Variants in KCNG2 observed in about 807,000 individuals in gnomAD.
KCNG2 encodes potassium voltage-gated channel modifier subfamily G member 2, also known as voltage-gated potassium channel regulatory subunit KCNG2.
In KCNG2, 7 loss-of-function variants were observed where a neutral mutation model predicts 12.3. The observed-to-expected ratio is 0.57, with a 90% confidence interval of 0.32 to 1.07. The LOEUF is 1.07. Ranked by LOEUF, KCNG2 falls within the 50% of genes least tolerant of loss-of-function variation. The pLI, the probability that KCNG2 is intolerant of heterozygous loss-of-function variation, is 0.04. For missense variants in KCNG2, 703 were observed against 726.0 expected (o/e 0.97, Z 0.36); for synonymous variants, 414 against 351.4 (o/e 1.18, Z -1.99).
At position 79,892,500 on chromosome 18, in the gene KCNG2, G is replaced by C. The variant is rs1038699098; in HGVS notation, c.625-6540G>C. On this transcript the variant is annotated intron_variant, in intron 3 of 3. Coordinates refer to ENST00000316249, the MANE Select transcript of KCNG2 (RefSeq NM_012283.2). ...TAAAACCCAGTCTGCCTTTTGATTG[G>C]GTTGTTCACTCCATTCACATCTAAT... Among the ~76,000 whole-genome samples the C allele has an allele frequency of 3.3e-5, 5 of 152,270 alleles. No individual in the cohort carries two copies. The East Asian group carries it at 9.6e-4, about 29-fold the overall frequency.
intron 1 of KCNG2, among the ~76,000 whole-genome samples, chr18:79,821,214 GACC>G (rs2087567505): frequency 6.6e-6 from 1 of 151,310 alleles, no homozygotes; most frequent in East Asian, 1.9e-4. Flanking sequence ...ATGAAGATTT[GACC>G]ACATGTTTTA....
At chr18:79,810,323 G>T (rs1368095800) in intron 1 of KCNG2, among the ~76,000 whole-genome samples, 1 of 152,140 alleles carries the variant, frequency 6.6e-6, no homozygotes, top group Non-Finnish European at 1.5e-5. Flanking sequence ...TCAGTGGGGA[G>T]GGGGGAAGCA....
intron 1 of KCNG2, among the ~76,000 whole-genome samples, chr18:79,819,514 A>G (rs1395381942): frequency 6.6e-6 from 1 of 152,214 alleles, no homozygotes; most frequent in East Asian, 1.9e-4. Context: ...GTGTCCCTTC[A>G]GATCGGGCTG....
chr18:79,819,050 T>C (rs2087551265), intron 1 of KCNG2, among the ~76,000 whole-genome samples: 1 of 151,864 alleles, frequency 6.6e-6, no homozygotes, highest in Admixed American at 6.6e-5. Context: ...AAGAATAGCA[T>C]CAGGAGATGA....
intron 3 of KCNG2, among the ~76,000 whole-genome samples, chr18:79,871,777 G>A (rs959862181): frequency 5.3e-5 from 8 of 152,334 alleles, no homozygotes; most frequent in East Asian, 1.9e-4. Context: ...CAGAGGGGCC[G>A]GCATCACATC....
intron 1 of KCNG2, among the ~76,000 whole-genome samples, chr18:79,821,435 A>G (rs964217504): frequency 2.6e-5 from 4 of 151,826 alleles, no homozygotes; most frequent in African/African-American, 9.7e-5. Context: ...GATTACAGGC[A>G]CCCACCACCA....
At chr18:79,888,359 G>GAGCC (rs2123121158) in intron 3 of KCNG2, among the ~76,000 whole-genome samples, 1 of 152,284 alleles carries the variant, frequency 6.6e-6, no homozygotes, top group African/African-American at 2.4e-5. Context: ...CAGGGGGGCT[G>GAGCC]GGACAGCAGC....
intron 3 of KCNG2, among the ~76,000 whole-genome samples, chr18:79,866,814 G>A (rs1473026572): frequency 1.1e-3 from 18 of 16,382 alleles, no homozygotes; most frequent in South Asian, 6.3e-3. Context: ...CTGTGTGTCT[G>A]TGTGCTGAGA....
Position 79,900,018 on chromosome 18 carries a change from C to A in KCNG2, c.*202C>A, listed in dbSNP as rs1414617214. On this transcript the variant is annotated 3_prime_UTR_variant, in exon 4 of 4. Coordinates refer to ENST00000316249, the MANE Select transcript of KCNG2 (RefSeq NM_012283.2). ...TGGCAGCGCTGGGCAAAGTCACTGG[C>A]CTTTGTCCTCCTGCCCCACCCCTTT... 15 of 383,708 alleles carry A rather than the reference C, an allele frequency of 3.9e-5. No individual in the cohort carries two copies. The highest frequency in any genetic ancestry group is 5.5e-5 in the Non-Finnish European group (12 of 219,890). 23.8% of individuals were successfully genotyped at this position (383,708 alleles called of 1,614,324 possible). A position where few individuals can be genotyped will look rare whatever the true frequency, so the allele number is the denominator to read the frequency against.
rs538664631 is a variant in KCNG2 at position 79,899,883 on chromosome 18, G to A, written c.*67G>A. On this transcript the variant is annotated 3_prime_UTR_variant, in exon 4 of 4. Transcript: ENST00000316249. Reference sequence around the variant, plus strand: ...TGCAGCGTCGGGACCCCCGAGGTGCGCCAAGGGGTGGGGGGCGTCTGGCCT... The same window carrying A: ...TGCAGCGTCGGGACCCCCGAGGTGCACCAAGGGGTGGGGGGCGTCTGGCCT... The A allele has an allele frequency of 1.8e-5, 23 of 1,265,942 alleles. No homozygotes were observed. In the African/African-American group the frequency reaches 3.0e-4, roughly 16 times the overall value. 78.4% of individuals were successfully genotyped at this position (1,265,942 alleles called of 1,614,324 possible). A position where few individuals can be genotyped will look rare whatever the true frequency, so the allele number is the denominator to read the frequency against.
In KCNG2 at chr18:79,863,791, C is replaced by A; in HGVS notation, c.124C>A (p.Arg42Ser). 7.7e-7 allele frequency: 1 copy of A among 1,299,024 alleles called. No homozygotes were observed. The highest frequency in any genetic ancestry group is 1.8e-5 in the South Asian group (1 of 55,758). The allele number at this position is 1,299,024 out of a possible 1,614,324, so 80.5% of individuals were successfully genotyped here. The change falls in exon 3 of 4, where the codon CGC (arginine) becomes AGC (serine). Residue 42 changes from arginine to serine, a missense_variant. Transcript: ENST00000316249. ...WAALARCPLARLERLRACRGH... is the reference protein window; with the variant it reads ...WAALARCPLASLERLRACRGH... ...CGCGCTGGCGCGATGCCCCCTCGCG[C>A]GCCTGGAGCGCCTGCGCGCCTGCCG... is the stretch of plus-strand genomic sequence containing the variant.
At chr18:79,897,751 A>T (rs1981029672) in intron 3 of KCNG2, among the ~76,000 whole-genome samples, 1 of 150,808 alleles carries the variant, frequency 6.6e-6, no homozygotes, top group African/African-American at 2.4e-5. Flanking sequence ...GTCTTTGGTG[A>T]CTGGCTGGCT....
chr18:79,874,794 G>A (rs1016606970), intron 3 of KCNG2, among the ~76,000 whole-genome samples: 2 of 152,170 alleles, frequency 1.3e-5, no homozygotes, highest in Non-Finnish European at 2.9e-5. Context: ...CAGGGGCACC[G>A]GGTCCCTTTC....
At chr18:79,895,152 T>G (rs375530397) in intron 3 of KCNG2, among the ~76,000 whole-genome samples, 9 of 152,144 alleles carry the variant, frequency 5.9e-5, no homozygotes, top group Non-Finnish European at 1.3e-4. Flanking sequence ...ATTGATATAG[T>G]TGGGTCTGTG....
intron 3 of KCNG2, among the ~76,000 whole-genome samples, chr18:79,889,544 G>A (rs1319039568): frequency 6.6e-6 from 1 of 152,210 alleles, no homozygotes. Context: ...TACATTAATT[G>A]TTCATTGCGA....
intron 1 of KCNG2, among the ~76,000 whole-genome samples, chr18:79,837,413 T>G (rs1978341189): frequency 6.6e-6 from 1 of 152,170 alleles, no homozygotes; most frequent in Non-Finnish European, 1.5e-5. Flanking sequence ...CATTCTGGGG[T>G]CTGGAGGACA....
At chr18:79,894,880 A>G (rs1480588991) in intron 3 of KCNG2, among the ~76,000 whole-genome samples, 1 of 151,736 alleles carries the variant, frequency 6.6e-6, no homozygotes, top group Non-Finnish European at 1.5e-5. Flanking sequence ...ATCTAATGGT[A>G]CGATTGATAT....
chr18:79,856,655 C>A, intron 2 of KCNG2, among the ~76,000 whole-genome samples: 1 of 152,136 alleles, frequency 6.6e-6, no homozygotes, highest in East Asian at 1.9e-4. Context: ...CCTTCCGAAC[C>A]CCGCCTGGGA....
intron 1 of KCNG2, among the ~76,000 whole-genome samples, chr18:79,836,151 A>C (rs1003624173): frequency 6.6e-6 from 1 of 152,226 alleles, no homozygotes; most frequent in African/African-American, 2.4e-5. Context: ...CAAATATAAC[A>C]ATATAGGCAG....
Sources: allele counts gnomAD v4.1 joint callset (sites outside exome capture counted in the v4.1 genomes callset), GRCh38; gene constraint gnomAD v4.1.1; transcripts MANE v1.5; gene names NCBI Gene and HGNC (gene_info 2026-07-23, HGNC 2026-07-21).